ETV6: variants seen among roughly 807,000 people sequenced by gnomAD.
ETV6 encodes ETS variant transcription factor 6.
ETV6 carries 16 observed loss-of-function variants against 51.1 expected under a neutral mutation model. That is an observed-to-expected ratio of 0.31 (90% confidence interval 0.21 to 0.48). The LOEUF is 0.48. Ranked by LOEUF, ETV6 falls within the 20% of genes least tolerant of loss-of-function variation. The pLI is 0.99. For synonymous variants in ETV6, 240 were observed against 224.1 expected, an observed-to-expected ratio of 1.07 and a Z score of -0.64; for missense variants, 458 against 594.8, an observed-to-expected ratio of 0.77 and a Z score of 2.39.
chr12:11,770,010 C>A lies in ETV6; in HGVS notation c.163+17431C>A, dbSNP rs542323179. Among the ~76,000 whole-genome samples, 16 of 152,152 alleles carry A rather than the reference C, an allele frequency of 1.1e-4. 1 individual carries two copies. In the East Asian group the frequency reaches 2.9e-3, roughly 28 times the overall value. ...CAGGCTGAACAGGCTGTCACCGGGGCAAGATGACTGACAGGTGGATGGAAT... is the reference window on the plus strand; with the variant it reads ...CAGGCTGAACAGGCTGTCACCGGGGAAAGATGACTGACAGGTGGATGGAAT... On this transcript the variant is annotated intron_variant, in intron 2 of 7. Coordinates refer to ENST00000396373, the MANE Select transcript of ETV6 (RefSeq NM_001987.5).
At chr12:11,801,782 C>T (rs556791425) in intron 2 of ETV6, among the ~76,000 whole-genome samples, 75 of 152,346 alleles carry the variant, frequency 4.9e-4, no homozygotes, top group South Asian at 2.1e-3. Flanking sequence ...CACCCGCATG[C>T]ATTCTTCTCA....
At chr12:11,768,011 A>T (rs1945187225) in intron 2 of ETV6, among the ~76,000 whole-genome samples, 1 of 152,162 alleles carries the variant, frequency 6.6e-6, no homozygotes, top group Non-Finnish European at 1.5e-5. Flanking sequence ...GCTCCAGGGA[A>T]CACTCAGGAT....
intron 1 of ETV6, among the ~76,000 whole-genome samples, chr12:11,667,625 G>A (rs1189912299): frequency 6.6e-6 from 1 of 150,660 alleles, no homozygotes; most frequent in Non-Finnish European, 1.5e-5. Flanking sequence ...GACCTCCTGG[G>A]CTCCAGCGAT....
At chr12:11,725,146 T>C (rs1479650411) in intron 1 of ETV6, among the ~76,000 whole-genome samples, 2 of 145,710 alleles carry the variant, frequency 1.4e-5, no homozygotes, top group African/African-American at 2.6e-5. Flanking sequence ...TTAAGACTTA[T>C]CTTTCTTTTT....
intron 2 of ETV6, among the ~76,000 whole-genome samples, chr12:11,759,335 C>T (rs1295791937): frequency 2.0e-5 from 3 of 152,030 alleles, no homozygotes; most frequent in Non-Finnish European, 1.5e-5. Context: ...GAAGATGGCA[C>T]GGCCCCTCAT....
intron 1 of ETV6, among the ~76,000 whole-genome samples, chr12:11,740,783 G>A (rs139478194): frequency 7.3e-4 from 111 of 152,286 alleles, no homozygotes; most frequent in African/African-American, 2.5e-3. Context: ...CACTTTGTAC[G>A]TAGACTTTAT....
intron 2 of ETV6, among the ~76,000 whole-genome samples, chr12:11,754,160 A>C (rs1944968183): frequency 1.3e-5 from 2 of 152,176 alleles, no homozygotes; most frequent in South Asian, 4.1e-4. Context: ...CAGGCAGAAC[A>C]CTTCTGCTAC....
chr12:11,653,361 G>C (rs1863941800), intron 1 of ETV6, among the ~76,000 whole-genome samples: 2 of 152,138 alleles, frequency 1.3e-5, no homozygotes, highest in East Asian at 1.9e-4. Flanking sequence ...CTTGTTAGTG[G>C]GCCAGGACTA....
At chr12:11,877,413 T>G (rs889843806) in intron 5 of ETV6, among the ~76,000 whole-genome samples, 7 of 152,198 alleles carry the variant, frequency 4.6e-5, no homozygotes, top group Admixed American at 4.6e-4. Flanking sequence ...TGGGGGCAAG[T>G]CTCAGCCCTC....
intron 2 of ETV6, among the ~76,000 whole-genome samples, chr12:11,799,132 G>C (rs891782402): frequency 5.9e-5 from 9 of 152,174 alleles, no homozygotes; most frequent in African/African-American, 2.2e-4. Context: ...AAAGGCAGAG[G>C]GGGAGGGGAG....
chr12:11,697,315 C>T (rs1026233581), intron 1 of ETV6, among the ~76,000 whole-genome samples: 2 of 152,124 alleles, frequency 1.3e-5, no homozygotes, highest in Non-Finnish European at 2.9e-5. Context: ...AGAAATGCTT[C>T]CCAGTCAGAG....
intron 2 of ETV6, among the ~76,000 whole-genome samples, chr12:11,805,463 C>G (rs1314655893): frequency 6.6e-6 from 1 of 152,094 alleles, no homozygotes; most frequent in Non-Finnish European, 1.5e-5. Flanking sequence ...AATGTAGTTA[C>G]ATGTGGAGGT....
intron 5 of ETV6, among the ~76,000 whole-genome samples, chr12:11,874,454 A>G (rs537782695): frequency 4.2e-5 from 6 of 143,132 alleles, no homozygotes; most frequent in African/African-American, 1.3e-4. Context: ...ATATATGCGT[A>G]TGTATATATA....
intron 2 of ETV6, among the ~76,000 whole-genome samples, chr12:11,772,985 GA>G (rs1326915610): frequency 2.6e-5 from 4 of 152,030 alleles, no homozygotes; most frequent in Admixed American, 2.6e-4. Flanking sequence ...ACAAGGTCAG[GA>G]GATCCAGACC....
At chr12:11,727,169 C>T (rs1211763143) in intron 1 of ETV6, among the ~76,000 whole-genome samples, 3 of 152,188 alleles carry the variant, frequency 2.0e-5, no homozygotes, top group Non-Finnish European at 4.4e-5. Flanking sequence ...CTGAGGAGGT[C>T]GCCTGCCCTT....
intron 1 of ETV6, among the ~76,000 whole-genome samples, chr12:11,725,845 C>T (rs544802286): frequency 1.2e-3 from 177 of 152,328 alleles, no homozygotes; most frequent in Non-Finnish European, 2.1e-3. Context: ...CCTCACTTTC[C>T]GCCACGAGTG....
At chr12:11,847,472 A>G (rs1247538299) in intron 3 of ETV6, among the ~76,000 whole-genome samples, 1 of 152,236 alleles carries the variant, frequency 6.6e-6, no homozygotes, top group Non-Finnish European at 1.5e-5. Flanking sequence ...AGGGCAGGTG[A>G]GAGACCTGGG....
intron 1 of ETV6, among the ~76,000 whole-genome samples, chr12:11,725,203 T>G (rs977534055): frequency 1.3e-5 from 2 of 151,700 alleles, no homozygotes; most frequent in African/African-American, 4.8e-5. Flanking sequence ...TAGTGCTGAG[T>G]ACTTATATGT....
chr12:11,692,563 C>T (rs1400500216), intron 1 of ETV6, among the ~76,000 whole-genome samples: 1 of 152,068 alleles, frequency 6.6e-6, no homozygotes, highest in African/African-American at 2.4e-5. Flanking sequence ...AAATTCTTTG[C>T]AGGTAAAGCC....
Sources: allele counts gnomAD v4.1 joint callset (sites outside exome capture counted in the v4.1 genomes callset), GRCh38; gene constraint gnomAD v4.1.1; transcripts MANE v1.5; gene names NCBI Gene and HGNC (gene_info 2026-07-23, HGNC 2026-07-21).